The following DCDC2 variants were observed in gnomAD, a reference collection of about 807,000 sequenced individuals.
The protein encoded by DCDC2 is doublecortin domain containing 2.
In DCDC2, 40 loss-of-function variants were observed where a neutral mutation model predicts 50.2. The observed-to-expected ratio is 0.80, with a 90% CI of 0.62 to 1.04. The LOEUF is 1.04. Ranked by LOEUF, DCDC2 falls within the 50% of genes least tolerant of loss-of-function variation. The pLI is 0.00. For missense variants in DCDC2, 570 were observed against 581.9 expected (o/e 0.98, Z 0.21); for synonymous variants, 234 against 210.6 (o/e 1.11, Z -0.96).
the DCDC2 span, among the ~76,000 whole-genome samples, chr6:24,363,299 G>C: frequency 6.6e-6 from 1 of 152,106 alleles, no homozygotes; most frequent in Non-Finnish European, 1.5e-5. Flanking sequence ...TTTGAGACCA[G>C]CCTGGCCAAC....
intron 7 of DCDC2, among the ~76,000 whole-genome samples, chr6:24,256,036 G>A (rs1001858677): frequency 2.0e-5 from 3 of 152,096 alleles, no homozygotes; most frequent in African/African-American, 7.2e-5. Flanking sequence ...AGTCATACAT[G>A]GAATCCCATG....
chr6:24,198,131 T>G (rs549276102), intron 8 of DCDC2, among the ~76,000 whole-genome samples: 1 of 152,178 alleles, frequency 6.6e-6, no homozygotes, highest in East Asian at 1.9e-4. Flanking sequence ...AATTCCTTTA[T>G]GAAAAACAAA....
chr6:24,280,557 G>A (rs1236729314), intron 6 of DCDC2, among the ~76,000 whole-genome samples: 1 of 151,534 alleles, frequency 6.6e-6, no homozygotes, highest in Non-Finnish European at 1.5e-5. Flanking sequence ...TTTTTTTTTA[G>A]ATGGAATCTC....
rs567879929 is a variant in DCDC2 at position 24,284,402 on chromosome 6, T to TCC, written c.759+4449_759+4450insGG. 8.8e-4 allele frequency among the ~76,000 whole-genome samples: 134 copies of TCC among 151,638 alleles called. 1 individual carries two copies. Among genetic ancestry groups the TCC allele is most frequent in the Middle Eastern group, 3.4e-3 (1 of 294 alleles). ...GCAGGTGGATCATGAGGTCAGGAGT[T>TCC]CAAGACCAGCCTTGCCAAGATGGTG... On this transcript the variant is annotated intron_variant, in intron 6 of 9. Transcript: ENST00000378454.
chr6:24,224,508 G>A (rs1157607996), intron 7 of DCDC2, among the ~76,000 whole-genome samples: 1 of 152,192 alleles, frequency 6.6e-6, no homozygotes, highest in Non-Finnish European at 1.5e-5. Flanking sequence ...TGGTGAGCGT[G>A]TGTGTGCATG....
At chr6:24,356,828 C>A (rs370513026) in intron 1 of DCDC2, 9 of 152,276 alleles carry the variant, frequency 5.9e-5, no homozygotes, top group African/African-American at 2.2e-4. Context: ...AATAAGGACC[C>A]CTGCCCTTGA....
At chr6:24,198,149 C>G (rs942007888) in intron 8 of DCDC2, among the ~76,000 whole-genome samples, 12 of 152,112 alleles carry the variant, frequency 7.9e-5, no homozygotes, top group Non-Finnish European at 1.6e-4. Flanking sequence ...AAATTCCAAC[C>G]AAAACAATCT....
chr6:24,262,507 A>C (rs1166428640), intron 7 of DCDC2, among the ~76,000 whole-genome samples: 1 of 151,340 alleles, frequency 6.6e-6, no homozygotes, highest in East Asian at 1.9e-4. Context: ...GTGCACACAA[A>C]TTAGTGAGAC....
intron 8 of DCDC2, among the ~76,000 whole-genome samples, chr6:24,186,163 A>C (rs1581574328): frequency 2.0e-5 from 3 of 152,276 alleles, no homozygotes; most frequent in African/African-American, 7.2e-5. Flanking sequence ...ATACTAAACA[A>C]GGATAATTTC....
intron 2 of DCDC2, among the ~76,000 whole-genome samples, chr6:24,319,658 T>C (rs1441411685): frequency 1.3e-5 from 2 of 152,090 alleles, no homozygotes; most frequent in Non-Finnish European, 2.9e-5. Context: ...ACCCTACATA[T>C]AGGTAAGAAG....
chr6:24,174,622 T>A lies in DCDC2; in HGVS notation c.*108A>T, dbSNP rs3747780. 8.7e-4 allele frequency: 614 copies of A among 704,858 alleles called. 7 individuals are homozygous for A. The East Asian group carries it at 0.016, about 18-fold the overall frequency. The allele number at this position is 704,858 out of a possible 1,614,324, so 43.7% of individuals were successfully genotyped here. A position where few individuals can be genotyped will look rare whatever the true frequency, so the allele number is the denominator to read the frequency against. On this transcript the variant is annotated 3_prime_UTR_variant, in exon 10 of 10. Transcript: ENST00000378454. The stretch of plus-strand genomic sequence containing the variant: ...CTAATGTTATAATTCGTAGGTAGTA[T>A]TCGACCATAGTGTCACATTATATTC...
intron 2 of DCDC2, among the ~76,000 whole-genome samples, chr6:24,326,917 T>C (rs959851296): frequency 6.7e-6 from 1 of 148,534 alleles, no homozygotes; most frequent in African/African-American, 2.4e-5. Context: ...ACCCATACCA[T>C]ACTGTATTCT....
the DCDC2 span, among the ~76,000 whole-genome samples, chr6:24,372,462 C>A: frequency 6.6e-6 from 1 of 151,834 alleles, no homozygotes. Flanking sequence ...AAGACACATG[C>A]ACAGGTATGT....
At chr6:24,186,802 AC>A (rs1761212562) in intron 8 of DCDC2, among the ~76,000 whole-genome samples, 1 of 152,088 alleles carries the variant, frequency 6.6e-6, no homozygotes, top group Non-Finnish European at 1.5e-5. Context: ...GCTGAACTGT[AC>A]CCTCCCTCAC....
Position 24,291,010 on chromosome 6 carries a change from G to A in DCDC2, c.626C>T (p.Ala209Val). Reference protein sequence around the residue: ...AELENGQFYVAVGRDKFKKLP... With the variant: ...AELENGQFYVVVGRDKFKKLP... ...TTTCTTAAACTTATCTCTGCCAACA[G>A]CCACATAAAACTGCCCATTCTCCAA... is the stretch of plus-strand genomic sequence containing the variant. Residue 209 changes from alanine to valine, a missense_variant, in exon 5 of 10, where the codon GCT becomes GTT. Transcript: ENST00000378454. 6.2e-7 allele frequency: 1 copy of A among 1,613,890 alleles called. No individual in the cohort carries two copies. Among genetic ancestry groups the A allele is most frequent in the Non-Finnish European group, 8.5e-7 (1 of 1,179,858 alleles).
intron 2 of DCDC2, among the ~76,000 whole-genome samples, chr6:24,305,456 A>G (rs2073940712): frequency 6.6e-6 from 1 of 152,244 alleles, no homozygotes; most frequent in South Asian, 2.1e-4. Context: ...ATAATTATAA[A>G]AAATGATTCA....
intron 8 of DCDC2, among the ~76,000 whole-genome samples, chr6:24,200,886 C>G (rs112965528): frequency 6.6e-6 from 1 of 150,548 alleles, no homozygotes; most frequent in Non-Finnish European, 1.5e-5. Flanking sequence ...AGACTTTAAG[C>G]CAACAAAGAA....
chr6:24,192,758 A>G (rs938566856), intron 8 of DCDC2, among the ~76,000 whole-genome samples: 1 of 152,092 alleles, frequency 6.6e-6, no homozygotes, highest in Non-Finnish European at 1.5e-5. Context: ...AAAGTAGGAG[A>G]GACAATTAGA....
upstream of DCDC2, among the ~76,000 whole-genome samples, chr6:24,358,741 TTTTA>T (rs1554121603): frequency 2.3e-3 from 5 of 2,154 alleles, 1 homozygote; most frequent in African/African-American, 2.8e-3. Context: ...TTTATATATA[TTTTA>T]TTTATTTATT....
Sources: gnomAD v4.1 joint callset for allele counts (sites outside exome capture counted in the v4.1 genomes callset) on GRCh38, gnomAD v4.1.1 for gene constraint, MANE v1.5 for transcripts, NCBI Gene and HGNC (gene_info 2026-07-23, HGNC 2026-07-21) for gene names.